WRN: variants seen among roughly 807,000 people sequenced by gnomAD.
The protein encoded by WRN is WRN RecQ like helicase.
WRN carries 149 observed loss-of-function variants against 180.7 expected under a neutral mutation model. That is an observed-to-expected ratio of 0.82 (90% CI 0.72 to 0.94). The LOEUF is 0.94. Among genes scored for constraint, WRN ranks in the 40% least tolerant of loss-of-function variants. WRN has a pLI of 0.00. For synonymous variants in WRN, 548 were observed against 568.9 expected, an observed-to-expected ratio of 0.96 and a Z score of 0.52; for missense variants, 1,661 against 1,700.1, an observed-to-expected ratio of 0.98 and a Z score of 0.40.
intron 17 of WRN, among the ~76,000 whole-genome samples, chr8:31,098,193 T>C (rs1486854771): frequency 1.3e-5 from 2 of 152,216 alleles, no homozygotes; most frequent in Non-Finnish European, 2.9e-5. Flanking sequence ...TAATGGACAA[T>C]GAATTTGATA....
At chr8:31,120,103 G>C (rs1801665580) in intron 20 of WRN, 140 bp from the exon 21 acceptor site, 2 of 957,064 alleles carry the variant, frequency 2.1e-6, no homozygotes, top group South Asian at 2.8e-5. Flanking sequence ...ATCTGTAAAT[G>C]ATTGGTTGAA....
In WRN at chr8:31,150,211, G is replaced by T. The variant is rs11574371; in HGVS notation, c.3573-130G>T. On this transcript the variant is annotated intron_variant, in intron 30 of 34. Transcript: ENST00000298139. The stretch of plus-strand genomic sequence containing the variant: ...TTAGTTGTATTATACGTTGTTTTTG[G>T]TTGTTGGAAAAACTATACATTTATT... 2,603 of 764,206 alleles carry T rather than the reference G, an allele frequency of 3.4e-3. 43 individuals carry two copies. In the African/African-American group the frequency reaches 0.04, roughly 12 times the overall value. The allele number at this position is 764,206 out of a possible 1,614,324, so 47.3% of individuals were successfully genotyped here.
At chr8:31,152,866 C>T (rs912967830) in intron 31 of WRN, among the ~76,000 whole-genome samples, 1 of 151,916 alleles carries the variant, frequency 6.6e-6, no homozygotes, top group Non-Finnish European at 1.5e-5. Context: ...TAGTGAGACC[C>T]GACCTCTACA....
Position 31,125,014 on chromosome 8 carries a change from A to G in WRN, c.2825+14A>G, listed in dbSNP as rs1287904350. ...TTGCAGGTCCAGGTAAAGATTTCTT[A>G]TTATAGATGGACATTCTAAAAGTCT... is the stretch of plus-strand genomic sequence containing the variant. On this transcript the variant is annotated intron_variant, in intron 23 of 34. Coordinates refer to ENST00000298139, the MANE Select transcript of WRN (RefSeq NM_000553.6). 1.2e-6 allele frequency: 2 copies of G among 1,604,696 alleles called. No individual in the cohort carries two copies. The highest frequency in any genetic ancestry group is 1.3e-5 in the African/African-American group (1 of 74,816).
chr8:31,074,686 A>G (rs1299210559), intron 7 of WRN, among the ~76,000 whole-genome samples: 3 of 152,120 alleles, frequency 2.0e-5, no homozygotes, highest in Non-Finnish European at 4.4e-5. Context: ...AGGTAAAAAA[A>G]GTGGGTTTTA....
chr8:31,145,945 A>C (rs576760746), intron 28 of WRN, among the ~76,000 whole-genome samples: 1 of 152,056 alleles, frequency 6.6e-6, no homozygotes, highest in East Asian at 1.9e-4. Context: ...GGGTGCTTAT[A>C]TATGAATAAA....
At chr8:31,157,750 C>CA (rs1563387612) in intron 33 of WRN, among the ~76,000 whole-genome samples, 2 of 152,106 alleles carry the variant, frequency 1.3e-5, no homozygotes, top group African/African-American at 4.8e-5. Context: ...TTTTTTGAGA[C>CA]AGAGTCTTGC....
chr8:31,125,138 C>A lies in WRN; in HGVS notation c.2825+138C>A, dbSNP rs140025564. ...ATGAATGTGTTTAGATATGAGAAAG[C>A]AAACAATATTAAAGTATTTTGCTTA... is the stretch of plus-strand genomic sequence containing the variant. On this transcript the variant is annotated intron_variant, in intron 23 of 34. Coordinates refer to ENST00000298139, the MANE Select transcript of WRN (RefSeq NM_000553.6). The A allele has an allele frequency of 6.3e-3, 5,091 of 808,706 alleles. 27 individuals are homozygous for A. Among genetic ancestry groups the A allele is most frequent in the Non-Finnish European group, 8.8e-3 (4,372 of 496,634 alleles). The allele number at this position is 808,706 out of a possible 1,614,324, so 50.1% of individuals were successfully genotyped here. A position where few individuals can be genotyped will look rare whatever the true frequency, so the allele number is the denominator to read the frequency against.
chr8:31,082,149 G>A (rs1184265061), intron 9 of WRN, among the ~76,000 whole-genome samples: 1 of 152,106 alleles, frequency 6.6e-6, no homozygotes, highest in Non-Finnish European at 1.5e-5. Context: ...TCATCTCAGA[G>A]TCAGATTTTT....
At chr8:31,158,404 C>T (rs1290551337) in intron 33 of WRN, among the ~76,000 whole-genome samples, 1 of 148,722 alleles carries the variant, frequency 6.7e-6, no homozygotes, top group Non-Finnish European at 1.5e-5. Context: ...AATTATTATC[C>T]TTTTTTTTTT....
rs1007764190 is a variant in WRN at position 31,066,977 on chromosome 8, G to C, written c.505-56G>C. On this transcript the variant is annotated intron_variant, in intron 5 of 34. Transcript: ENST00000298139. ...GTGGTATGTTCATTTGATATCATTT[G>C]GTAATACCTGAAAACAGGAACTGAT... 26 of 1,593,268 alleles carry C rather than the reference G, an allele frequency of 1.6e-5. No homozygotes were observed. The African/African-American group carries it at 3.5e-4, about 21-fold the overall frequency.
At chr8:31,096,960 C>T (rs1585449597) in intron 17 of WRN, 110 bp downstream of exon 17, 1 of 1,011,290 alleles carries the variant, frequency 9.9e-7, no homozygotes, top group East Asian at 2.5e-5. Context: ...TCAAACATTA[C>T]TTCCTCCAGG....
At position 31,085,073 on chromosome 8, in the gene WRN, A is replaced by G. The variant is rs535272818; in HGVS notation, c.1351-93A>G. ...TCCATTAGGGAAGAGGAAGCTGTCT[A>G]AAGATATCTAGTATATAGGAGCTTT... On this transcript the variant is annotated intron_variant, in intron 10 of 34. Transcript: ENST00000298139. 2.9e-5 allele frequency: 33 copies of G among 1,153,014 alleles called. No homozygotes were observed. The South Asian group carries it at 4.1e-4, about 14-fold the overall frequency. 71.4% of individuals were successfully genotyped at this position (1,153,014 alleles called of 1,614,324 possible). A position where few individuals can be genotyped will look rare whatever the true frequency, so the allele number is the denominator to read the frequency against.
At chr8:31,072,520 G>C (rs544632005) in intron 7 of WRN, among the ~76,000 whole-genome samples, 9 of 152,244 alleles carry the variant, frequency 5.9e-5, no homozygotes, top group African/African-American at 2.2e-4. Flanking sequence ...TGGGAACAGA[G>C]ACAGGGTCTC....
chr8:31,165,281 GTTTA>G (rs1803809948), intron 33 of WRN, among the ~76,000 whole-genome samples: 1 of 151,862 alleles, frequency 6.6e-6, no homozygotes, highest in African/African-American at 2.4e-5. Flanking sequence ...ATCATACATA[GTTTA>G]TTTATCTAAT....
At chr8:31,075,613 C>T (rs1813066008) in intron 7 of WRN, among the ~76,000 whole-genome samples, 3 of 151,216 alleles carry the variant, frequency 2.0e-5, no homozygotes, top group South Asian at 2.1e-4. Flanking sequence ...CCAGCTACTC[C>T]GGGGGCTAGG....
In WRN at chr8:31,080,979, T is replaced by C. The variant is rs1325239231; in HGVS notation, c.952T>C (p.Leu318=). 6.2e-6 allele frequency: 10 copies of C among 1,613,912 alleles called. No homozygotes were observed. The Admixed American group carries it at 1.2e-4, about 19-fold the overall frequency. The change falls in exon 9 of 35, where the codon TTA becomes CTA. Residue 318 remains leucine, a synonymous_variant. Transcript: ENST00000298139. ...ELRPSNNLNL[L]SFEDSTTGGV... is the part of the protein sequence containing the mutation. ...GAGGCCCAGCAATAATTTAAACTTA[T>C]TATCCTTTGAAGATTCAACTACTGG...
Position 31,142,456 on chromosome 8 carries a change from A to G in WRN, c.3234-170A>G, listed in dbSNP as rs1802678273. Among the ~76,000 whole-genome samples the G allele has an allele frequency of 2.0e-5, 3 of 152,092 alleles. No individual in the cohort carries two copies. The highest frequency in any genetic ancestry group is 6.5e-5 in the Admixed American group (1 of 15,268). On this transcript the variant is annotated intron_variant, in intron 26 of 34. Transcript: ENST00000298139. ...GATCACTTGTGAGTTTTTTCTTTCA[A>G]ACATCTTAAAGCTTCCAGAGCTTTT...
chr8:31,057,811 A>G (rs528795497), intron 1 of WRN, among the ~76,000 whole-genome samples: 123 of 151,964 alleles, frequency 8.1e-4, no homozygotes, highest in Non-Finnish European at 1.6e-3. Context: ...CTTTAATTAT[A>G]CTTGAATTTT....
Sources: allele counts gnomAD v4.1 joint callset (sites outside exome capture counted in the v4.1 genomes callset), GRCh38; gene constraint gnomAD v4.1.1; transcripts MANE v1.5; gene names NCBI Gene and HGNC (gene_info 2026-07-23, HGNC 2026-07-21).